Variants in TMCO5A observed in about 807,000 individuals in gnomAD.
TMCO5A encodes transmembrane and coiled-coil domains 5A, also known as transmembrane and coiled-coil domain-containing protein 5A.
Under a neutral mutation model 42.3 loss-of-function variants are expected in TMCO5A, and 34 were observed. The ratio of observed to expected loss-of-function variants is 0.80; its 90% confidence interval spans 0.61 to 1.07. The LOEUF (loss-of-function observed/expected upper bound fraction) is 1.07. Among genes scored for constraint, TMCO5A ranks in the 50% least tolerant of loss-of-function variants. TMCO5A has a pLI of 0.00. For synonymous variants in TMCO5A, 131 were observed against 115.6 expected (o/e 1.13, Z -0.86); for missense variants, 357 against 327.9 (o/e 1.09, Z -0.69).
In TMCO5A at chr15:37,941,744, G is replaced by T; in HGVS notation, c.504+14G>T. 1 of 1,604,394 alleles carries T rather than the reference G, an allele frequency of 6.2e-7. No homozygotes were observed. Among genetic ancestry groups the T allele is most frequent in the South Asian group, 1.1e-5 (1 of 90,900 alleles). On this transcript the variant is annotated intron_variant, in intron 8 of 11. Coordinates refer to ENST00000319669, the MANE Select transcript of TMCO5A (RefSeq NM_152453.4). Reference sequence around the variant, plus strand: ...CTCTACATAAAGGTAGAGCTTCTTGGTAAAGGGATAGCAAAGGGTTTATTA... The same window carrying T: ...CTCTACATAAAGGTAGAGCTTCTTGTTAAAGGGATAGCAAAGGGTTTATTA...
At chr15:37,990,473 C>A in the TMCO5A span, among the ~76,000 whole-genome samples, 1 of 152,038 alleles carries the variant, frequency 6.6e-6, no homozygotes, top group Admixed American at 6.6e-5. Context: ...CTTTTTCCAT[C>A]ATTTTACTGT....
the TMCO5A span, among the ~76,000 whole-genome samples, chr15:38,014,298 T>C: frequency 2.0e-5 from 3 of 152,166 alleles, no homozygotes; most frequent in Non-Finnish European, 4.4e-5. Context: ...TTCGTGTACA[T>C]TTTGTCATTT....
chr15:37,987,285 A>G, the TMCO5A span, among the ~76,000 whole-genome samples: 1 of 152,042 alleles, frequency 6.6e-6, no homozygotes, highest in Admixed American at 6.6e-5. Context: ...TATTCTGTAT[A>G]TTAATCCCTT....
chr15:37,960,151 TA>T (rs1353847620), intron 11 of TMCO5A, among the ~76,000 whole-genome samples: 5 of 151,492 alleles, frequency 3.3e-5, no homozygotes, highest in Non-Finnish European at 5.9e-5. Context: ...TTTTTTAAAA[TA>T]TTTTTTTCCC....
At chr15:37,952,547 C>A (rs937682438), downstream of TMCO5A, among the ~76,000 whole-genome samples, 1 of 152,124 alleles carries the variant, frequency 6.6e-6, no homozygotes, top group African/African-American at 2.4e-5. Flanking sequence ...AGCCTCTGGG[C>A]CCTAAATAAC....
At chr15:37,956,080 G>T (rs191913175), downstream of TMCO5A, among the ~76,000 whole-genome samples, 175 of 152,130 alleles carry the variant, frequency 1.2e-3, no homozygotes, top group Admixed American at 2.2e-3. Context: ...AGAATCTCAG[G>T]GACACATTTA....
At position 37,951,019 on chromosome 15, in the gene TMCO5A, T is replaced by G; in HGVS notation, c.669-17T>G. 6.2e-7 allele frequency: 1 copy of G among 1,608,944 alleles called. No homozygotes were observed. Among genetic ancestry groups the G allele is most frequent in the Non-Finnish European group, 8.5e-7 (1 of 1,178,230 alleles). ...TCTAAGCTTCTGGTTAACAGTTTCATGGCATTCTCTTTTTAGGATTTTTTG... is the reference window on the plus strand; with the variant it reads ...TCTAAGCTTCTGGTTAACAGTTTCAGGGCATTCTCTTTTTAGGATTTTTTG... On this transcript the variant is annotated splice_polypyrimidine_tract_variant and intron_variant, in intron 11 of 11. Transcript: ENST00000319669.
chr15:38,006,469 C>T, the TMCO5A span, among the ~76,000 whole-genome samples: 1 of 152,092 alleles, frequency 6.6e-6, no homozygotes, highest in African/African-American at 2.4e-5. Context: ...ACAGGGGATA[C>T]GTAAACAACT....
At chr15:37,992,614 A>G in the TMCO5A span, among the ~76,000 whole-genome samples, 2 of 152,202 alleles carry the variant, frequency 1.3e-5, no homozygotes, top group Non-Finnish European at 2.9e-5. Context: ...TATCAATGGT[A>G]GATTAGATTT....
chr15:37,971,050 T>A (rs942787592), downstream of TMCO5A, among the ~76,000 whole-genome samples: 2 of 152,338 alleles, frequency 1.3e-5, no homozygotes, highest in African/African-American at 4.8e-5. Context: ...AGTGCCCCAG[T>A]AGGGACTCTG....
At chr15:37,953,859 G>T (rs183073345), downstream of TMCO5A, among the ~76,000 whole-genome samples, 1 of 151,762 alleles carries the variant, frequency 6.6e-6, no homozygotes. Context: ...TTAACAAAGA[G>T]ATTAAAATAA....
intron 10 of TMCO5A, 86 bp downstream of exon 10, chr15:37,943,484 T>G: frequency 7.5e-7 from 1 of 1,324,888 alleles, no homozygotes; most frequent in Non-Finnish European, 1.1e-6. Flanking sequence ...ACCAAATATA[T>G]ACCCAATCTT....
chr15:37,972,273 T>A (rs1047859749), downstream of TMCO5A, among the ~76,000 whole-genome samples: 7 of 152,138 alleles, frequency 4.6e-5, no homozygotes, highest in African/African-American at 1.4e-4. Flanking sequence ...TTCACTATCA[T>A]GAGGACAGCA....
At chr15:37,977,137 T>G in the TMCO5A span, among the ~76,000 whole-genome samples, 1 of 152,188 alleles carries the variant, frequency 6.6e-6, no homozygotes, top group African/African-American at 2.4e-5. Context: ...ATTCCTTAGA[T>G]TCCTCGGATT....
downstream of TMCO5A, among the ~76,000 whole-genome samples, chr15:37,951,800 A>T (rs1005637987): frequency 3.9e-5 from 6 of 152,134 alleles, no homozygotes. Context: ...AGAATCAAAA[A>T]TCAGGAGAGC....
the TMCO5A span, among the ~76,000 whole-genome samples, chr15:38,026,398 G>A: frequency 6.6e-6 from 1 of 152,102 alleles, no homozygotes; most frequent in Non-Finnish European, 1.5e-5. Flanking sequence ...GAGATCTGTG[G>A]AACTTTGAAC....
At chr15:38,033,491 T>C in the TMCO5A span, among the ~76,000 whole-genome samples, 1 of 152,176 alleles carries the variant, frequency 6.6e-6, no homozygotes, top group African/African-American at 2.4e-5. Flanking sequence ...ATTTCCTCCT[T>C]AATCACAAAA....
chr15:38,033,559 A>ATT, the TMCO5A span, among the ~76,000 whole-genome samples: 357 of 145,468 alleles, frequency 2.5e-3, 4 homozygotes, highest in African/African-American at 7.8e-3. Flanking sequence ...TTCTCCCTCC[A>ATT]TTTTTTTTTT....
the TMCO5A span, among the ~76,000 whole-genome samples, chr15:38,016,849 G>T: frequency 6.6e-6 from 1 of 152,036 alleles, no homozygotes; most frequent in African/African-American, 2.4e-5. Flanking sequence ...TAGGAGAAAA[G>T]AATAAAGTTT....
Sources: gnomAD v4.1 joint callset for allele counts (sites outside exome capture counted in the v4.1 genomes callset) on GRCh38, gnomAD v4.1.1 for gene constraint, MANE v1.5 for transcripts, NCBI Gene and HGNC (gene_info 2026-07-23, HGNC 2026-07-21) for gene names.